The following FLNB variants were observed in gnomAD, a reference collection of about 807,000 sequenced individuals.
FLNB encodes the protein filamin-B.
In FLNB, 111 loss-of-function variants were observed where a neutral mutation model predicts 250.6. The ratio of observed to expected loss-of-function variants is 0.44; its 90% CI spans 0.38 to 0.52. The LOEUF (loss-of-function observed/expected upper bound fraction) is 0.52, where lower values mean the gene tolerates loss of function less well. FLNB is among the 20% of genes least tolerant of loss of function. FLNB has a pLI of 0.00. For synonymous variants in FLNB, 1,302 were observed against 1,372.1 expected (o/e 0.95, Z 1.13); for missense variants, 2,869 against 3,447.8 (o/e 0.83, Z 4.20).
chr3:58,119,954 C>A (rs964062625), intron 19 of FLNB, among the ~76,000 whole-genome samples: 11 of 152,196 alleles, frequency 7.2e-5, no homozygotes, highest in African/African-American at 2.7e-4. Flanking sequence ...ACATCTTTTC[C>A]GTCTGTGTTT....
intron 1 of FLNB, among the ~76,000 whole-genome samples, chr3:58,034,097 G>A (rs1353473494): frequency 6.6e-6 from 1 of 152,128 alleles, no homozygotes; most frequent in East Asian, 1.9e-4. Context: ...CTGACCTTAG[G>A]CGATCCGCTC....
chr3:58,130,878 C>G lies in FLNB; in HGVS notation c.4360C>G (p.Pro1454Ala). The G allele has an allele frequency of 6.2e-7, 1 of 1,612,648 alleles. No individual in the cohort carries two copies. The highest frequency in any genetic ancestry group is 1.1e-5 in the South Asian group (1 of 90,738). ...GGACAGCAGCAAGGCTGGCCTGGCT[C>G]CGCTGGAAGTGAGGGTTCTGGGCCC... ...TVDSSKAGLA[P>A]LEVRVLGPRG... The change falls in exon 25 of 46, where the codon CCG (proline) becomes GCG (alanine). Residue 1454 changes from proline to alanine, a missense_variant. By Grantham distance (27) the Pro-to-Ala change is conservative. Around this residue, in one of 5 missense-constraint regions of FLNB, gnomAD observed 1,348 missense variants for 1,466.7 expected, o/e 0.92. Transcript: ENST00000295956.
chr3:58,023,197 C>G (rs1407804479), intron 1 of FLNB, among the ~76,000 whole-genome samples: 2 of 144,094 alleles, frequency 1.4e-5, no homozygotes, highest in African/African-American at 5.1e-5. Flanking sequence ...CTCCTGGGTT[C>G]AAGTGATTCT....
rs2106655440 is a variant in FLNB at position 58,008,759 on chromosome 3, G to T, written c.195G>T (p.Lys65Asn). 1 of 1,614,076 alleles carries T rather than the reference G, an allele frequency of 6.2e-7. No individual in the cohort carries two copies. Among genetic ancestry groups the T allele is most frequent in the South Asian group, 1.1e-5 (1 of 91,086 alleles). ...EVLSQKRMYR[K>N]YHQRPTFRQM... ...TCAGCCAGAAGCGCATGTACCGCAA[G>T]TACCATCAGCGGCCCACCTTTCGCC... The change falls in exon 1 of 46, where the codon AAG (lysine) becomes AAT (asparagine). Residue 65 changes from lysine to asparagine, a missense_variant. Coordinates refer to ENST00000295956, the MANE Select transcript of FLNB (RefSeq NM_001457.4).
At chr3:58,096,297 TTTC>T in intron 6 of FLNB, 79 bp downstream of exon 6, 1 of 1,013,360 alleles carries the variant, frequency 9.9e-7, no homozygotes, top group Non-Finnish European at 1.6e-6. Flanking sequence ...GAAGAGTGTT[TTTC>T]TTAAGTGAAT....
chr3:58,009,069 C>G (rs1478591241), intron 1 of FLNB, among the ~76,000 whole-genome samples: 1 of 152,198 alleles, frequency 6.6e-6, no homozygotes, highest in East Asian at 1.9e-4. Flanking sequence ...GCCATCCGCC[C>G]CAGCAGTGCA....
rs189423379 is a variant in FLNB at position 58,146,563 on chromosome 3, A to G, written c.5555-257A>G. On this transcript the variant is annotated intron_variant, in intron 33 of 45. Transcript: ENST00000295956. ...CACGGCTCCTTCCTTTTCTCATCCC[A>G]TGCATCCTGAGAGTAGAGAGAGCTC... 11 of 499,854 alleles carry G rather than the reference A, an allele frequency of 2.2e-5. No individual in the cohort carries two copies. The East Asian group carries it at 3.0e-4, about 14-fold the overall frequency. The allele number at this position is 499,854 out of a possible 1,614,324, so 31.0% of individuals were successfully genotyped here.
At chr3:58,047,186 AAAGT>A (rs2097155529) in intron 1 of FLNB, among the ~76,000 whole-genome samples, 1 of 152,226 alleles carries the variant, frequency 6.6e-6, no homozygotes, top group African/African-American at 2.4e-5. Context: ...TTTCTGGAAG[AAAGT>A]GTGTTTTCTT....
chr3:58,146,225 A>G (rs2107263151), intron 33 of FLNB, among the ~76,000 whole-genome samples, 176 bp downstream of exon 33: 1 of 152,206 alleles, frequency 6.6e-6, no homozygotes, highest in East Asian at 1.9e-4. Flanking sequence ...ACCCAGACAG[A>G]CATTTTTGAA....
intron 39 of FLNB, among the ~76,000 whole-genome samples, chr3:58,154,129 A>G (rs2097349651): frequency 6.6e-6 from 1 of 152,146 alleles, no homozygotes; most frequent in South Asian, 2.1e-4. Context: ...TGTTTGTTAG[A>G]GATGGGGTCC....
At chr3:58,034,033 G>A (rs1376526513) in intron 1 of FLNB, among the ~76,000 whole-genome samples, 1 of 151,962 alleles carries the variant, frequency 6.6e-6, no homozygotes, top group African/African-American at 2.4e-5. Flanking sequence ...GCTAATTTTT[G>A]TATTTTTAGT....
At chr3:58,133,321 G>A (rs925683644) in intron 26 of FLNB, among the ~76,000 whole-genome samples, 6 of 151,582 alleles carry the variant, frequency 4.0e-5, no homozygotes, top group East Asian at 1.9e-4. Context: ...TCCTAACCAC[G>A]TGTGGTGGGA....
chr3:58,011,213 G>A (rs529451568), intron 1 of FLNB, among the ~76,000 whole-genome samples: 5 of 151,936 alleles, frequency 3.3e-5, no homozygotes, highest in East Asian at 1.9e-4. Context: ...CGCCCAGCCC[G>A]GTCCTCCTTT....
In FLNB at chr3:58,100,373, A is replaced by AAAAAAAATATATATATATAT; in HGVS notation, c.1345+1466_1345+1467insAAAAAATATATATATATATA. 4.7e-3 allele frequency among the ~76,000 whole-genome samples: 488 copies of AAAAAAAATATATATATATAT among 104,328 alleles called. 12 individuals are homozygous for AAAAAAAATATATATATATAT. The highest frequency in any genetic ancestry group is 0.017 in the African/African-American group (380 of 21,910). 68.4% of individuals were successfully genotyped at this position (104,328 alleles called of 152,430 possible). ...AATGATTTTACATATGTAAAAAAAA[A>AAAAAAAATATATATATATAT]ATATATATATATTTGCAGGGGCGCG... is the stretch of plus-strand genomic sequence containing the variant. On this transcript the variant is annotated intron_variant, in intron 8 of 45. Coordinates refer to ENST00000295956, the MANE Select transcript of FLNB (RefSeq NM_001457.4).
intron 5 of FLNB, among the ~76,000 whole-genome samples, chr3:58,095,219 G>GTTTATTTATTTA (rs202216168): frequency 4.2e-5 from 4 of 95,474 alleles, no homozygotes; most frequent in African/African-American, 1.9e-4. Context: ...GTCAGTTGAG[G>GTTTATTTATTTA]TTTATGTATG....
Position 58,153,392 on chromosome 3 carries a change from A to G in FLNB, c.6385A>G (p.Met2129Val). 1 of 1,614,212 alleles carries G rather than the reference A, an allele frequency of 6.2e-7. No homozygotes were observed. The highest frequency in any genetic ancestry group is 1.6e-4 in the Middle Eastern group (1 of 6,062). Residue 2129 changes from methionine (M) to valine (V), a missense_variant, in exon 39 of 46, where the codon ATG (methionine) becomes GTG (valine). By Grantham distance (21) the Met-to-Val change is conservative (BLOSUM62 1). This residue lies in a region of FLNB where 1,084 missense variants were observed against 1,315.5 expected (regional missense o/e 0.82). Transcript: ENST00000295956. The stretch of plus-strand genomic sequence containing the variant: ...TCTTTCAGAAATCAACAGCAGTGAT[A>G]TGTCGGCCCACGTCACCAGCCCCTC... ...LKIPEINSSD[M>V]SAHVTSPSGR... is the part of the protein sequence containing the mutation.
chr3:58,029,888 G>A (rs2097128469), intron 1 of FLNB, among the ~76,000 whole-genome samples: 1 of 152,120 alleles, frequency 6.6e-6, no homozygotes, highest in African/African-American at 2.4e-5. Flanking sequence ...TTTCTCTGAG[G>A]CCTCCGTCCT....
rs752525780 is a variant in FLNB at position 58,121,481 on chromosome 3, C to G, written c.3104C>G (p.Ser1035Trp). 6.2e-7 allele frequency: 1 copy of G among 1,614,080 alleles called. No homozygotes were observed. The highest frequency in any genetic ancestry group is 1.1e-5 in the South Asian group (1 of 91,086). ...VPGSPYTVEASLPPDPSKVKA... is the reference protein window; with the variant it reads ...VPGSPYTVEAWLPPDPSKVKA... ...GGGAGCCCCTACACAGTGGAGGCCT[C>G]GCTGCCACCAGATCCCAGCAAGGTC... Residue 1035 changes from serine (S) to tryptophan (W), a missense_variant, in exon 20 of 46, where the codon TCG becomes TGG. Transcript: ENST00000295956.
chr3:58,034,126 G>T (rs1296123464), intron 1 of FLNB, among the ~76,000 whole-genome samples: 1 of 152,188 alleles, frequency 6.6e-6, no homozygotes, highest in Admixed American at 6.5e-5. Context: ...CTCCCAAAGT[G>T]CAGGGATTAT....
Sources: allele counts gnomAD v4.1 joint callset (sites outside exome capture counted in the v4.1 genomes callset), GRCh38; gene constraint gnomAD v4.1.1; regional missense constraint gnomAD v4.1.1; transcripts MANE v1.5; gene names NCBI Gene and HGNC (gene_info 2026-07-23, HGNC 2026-07-21).